EYA2: variants seen among roughly 807,000 people sequenced by gnomAD.
EYA2 encodes the protein protein phosphatase EYA2.
A neutral mutation model predicts 69.2 loss-of-function variants in EYA2; 31 were observed. The ratio of observed to expected loss-of-function variants is 0.45; its 90% CI spans 0.34 to 0.60. The LOEUF (loss-of-function observed/expected upper bound fraction) is 0.60. Among genes scored for constraint, EYA2 ranks in the 20% least tolerant of loss-of-function variants. EYA2 has a pLI of 0.02. For synonymous variants in EYA2, 257 were observed against 279.4 expected, an observed-to-expected ratio of 0.92 and a Z score of 0.80; for missense variants, 622 against 701.2, an observed-to-expected ratio of 0.89 and a Z score of 1.28.
chr20:47,029,734 T>C (rs1442291665), intron 5 of EYA2, among the ~76,000 whole-genome samples: 1 of 152,246 alleles, frequency 6.6e-6, no homozygotes, highest in Non-Finnish European at 1.5e-5. Flanking sequence ...CTTCCAAGTT[T>C]CATTCACCCC....
At chr20:46,979,293 AG>A (rs1289585632) in intron 1 of EYA2, among the ~76,000 whole-genome samples, 2 of 151,994 alleles carry the variant, frequency 1.3e-5, no homozygotes, top group African/African-American at 4.8e-5. Context: ...ACTTCTTCCC[AG>A]TCCCCAGGGA....
intron 7 of EYA2, among the ~76,000 whole-genome samples, chr20:47,085,609 G>A (rs1600698053): frequency 6.6e-6 from 1 of 151,202 alleles, no homozygotes; most frequent in Admixed American, 6.6e-5. Flanking sequence ...TCTCACCACT[G>A]CACTCCAGGC....
At chr20:47,086,455 A>C (rs1203651018) in intron 7 of EYA2, among the ~76,000 whole-genome samples, 1 of 152,206 alleles carries the variant, frequency 6.6e-6, no homozygotes, top group Non-Finnish European at 1.5e-5. Context: ...GCTTCTGGGA[A>C]GGCCTCAGGA....
At chr20:46,940,631 G>A (rs1322056375) in intron 1 of EYA2, among the ~76,000 whole-genome samples, 2 of 152,206 alleles carry the variant, frequency 1.3e-5, no homozygotes, top group African/African-American at 4.8e-5. Flanking sequence ...CCAGGTCTGT[G>A]GGCCTCTTGT....
chr20:46,943,978 G>A (rs1209493215), intron 1 of EYA2, among the ~76,000 whole-genome samples: 2 of 152,132 alleles, frequency 1.3e-5, no homozygotes, highest in Admixed American at 6.5e-5. Flanking sequence ...AGTGCAAGAA[G>A]CTGACTTGTG....
chr20:47,120,963 T>A (rs2033029434), intron 9 of EYA2, among the ~76,000 whole-genome samples: 1 of 152,346 alleles, frequency 6.6e-6, no homozygotes, highest in Non-Finnish European at 1.5e-5. Flanking sequence ...GAAGAGATTG[T>A]GGAGAATTGG....
intron 1 of EYA2, among the ~76,000 whole-genome samples, chr20:46,925,464 AAG>A (rs1362344871): frequency 2.0e-5 from 3 of 152,218 alleles, no homozygotes; most frequent in Non-Finnish European, 4.4e-5. Flanking sequence ...CGGCATAGGA[AAG>A]AGAGTTCCTA....
At chr20:46,990,332 T>TG (rs1981575114) in intron 2 of EYA2, among the ~76,000 whole-genome samples, 1 of 152,232 alleles carries the variant, frequency 6.6e-6, no homozygotes, top group Non-Finnish European at 1.5e-5. Context: ...TGCTCATTCG[T>TG]GTCTTGAACT....
At chr20:46,912,578 A>G (rs1984694435) in intron 1 of EYA2, among the ~76,000 whole-genome samples, 1 of 152,258 alleles carries the variant, frequency 6.6e-6, no homozygotes, top group Admixed American at 6.5e-5. Context: ...GATAGACAAT[A>G]AAAAAGCAAA....
rs968230071 is a variant in EYA2, at chr20:47,171,367, A to G, written c.1038-1340A>G. Among the ~76,000 whole-genome samples, 5 of 152,222 alleles carry G rather than the reference A, an allele frequency of 3.3e-5. No homozygotes were observed. The East Asian group carries it at 9.6e-4, about 29-fold the overall frequency. On this transcript the variant is annotated intron_variant, in intron 11 of 15. Coordinates refer to ENST00000327619, the MANE Select transcript of EYA2 (RefSeq NM_005244.5). The stretch of plus-strand genomic sequence containing the variant: ...ACCTACTATATGCTAGGTCCCAAAC[A>G]TGAAATGCCTCTTGTTTGTTTTTTT...
chr20:47,057,383 G>C (rs1324175901), intron 5 of EYA2, among the ~76,000 whole-genome samples: 1 of 152,142 alleles, frequency 6.6e-6, no homozygotes, highest in African/African-American at 2.4e-5. Flanking sequence ...CCTGGGATTT[G>C]TCCCTTTCTG....
At chr20:47,186,834 A>G (rs977324341) in intron 15 of EYA2, among the ~76,000 whole-genome samples, 8 of 152,162 alleles carry the variant, frequency 5.3e-5, no homozygotes, top group Admixed American at 1.3e-4. Flanking sequence ...CTTATTTATT[A>G]TCTTTTAAAC....
In EYA2 at chr20:47,043,080, TC is replaced by T. The variant is rs1156806342; in HGVS notation, c.415+26785del. On this transcript the variant is annotated intron_variant, in intron 5 of 15. Transcript: ENST00000327619. Reference sequence around the variant, plus strand: ...CGAGAGGGAGGAAGGGGAGGATTAATCCTTCAGACCCCTTCCAGCTCTATAG... The same window carrying T: ...CGAGAGGGAGGAAGGGGAGGATTAATCTTCAGACCCCTTCCAGCTCTATAG... Among the ~76,000 whole-genome samples the T allele has an allele frequency of 2.6e-5, 4 of 152,278 alleles. No individual in the cohort carries two copies. In the South Asian group the frequency reaches 8.3e-4, roughly 32 times the overall value.
intron 1 of EYA2, among the ~76,000 whole-genome samples, chr20:46,982,436 A>G (rs1980893848): frequency 1.3e-5 from 2 of 152,058 alleles, no homozygotes; most frequent in Non-Finnish European, 2.9e-5. Flanking sequence ...TTTTCTCTGT[A>G]TTTATCTTTG....
intron 9 of EYA2, among the ~76,000 whole-genome samples, chr20:47,114,614 A>AAAT (rs1416435458): frequency 4.0e-4 from 61 of 152,096 alleles, no homozygotes; most frequent in African/African-American, 1.1e-3. Flanking sequence ...AGACTCCTTC[A>AAAT]AATAATAATA....
At chr20:47,176,842 A>G (rs1179827277) in intron 12 of EYA2, among the ~76,000 whole-genome samples, 7 of 150,360 alleles carry the variant, frequency 4.7e-5, no homozygotes, top group Admixed American at 4.6e-4. Context: ...CCTAGGCTGG[A>G]GTATAGTGGC....
chr20:46,911,869 A>G lies in EYA2; in HGVS notation c.-11+16882A>G, dbSNP rs555687675. On this transcript the variant is annotated intron_variant, in intron 1 of 15. Transcript: ENST00000327619. ...ATAGAAAGAAAAGTTCTAGTGTTCA[A>G]AAGCACAGTAGGGTGACTGTAGTCA... Among the ~76,000 whole-genome samples the G allele has an allele frequency of 2.0e-5, 3 of 150,700 alleles. No individual in the cohort carries two copies. The South Asian group carries it at 6.4e-4, about 32-fold the overall frequency.
At chr20:46,942,392 A>G (rs1986193390) in intron 1 of EYA2, among the ~76,000 whole-genome samples, 1 of 151,884 alleles carries the variant, frequency 6.6e-6, no homozygotes, top group Non-Finnish European at 1.5e-5. Flanking sequence ...ATTTTTTGTA[A>G]AGACAGGGTA....
At chr20:47,006,204 C>G (rs1475179049) in intron 4 of EYA2, among the ~76,000 whole-genome samples, 1 of 152,230 alleles carries the variant, frequency 6.6e-6, no homozygotes, top group South Asian at 2.1e-4. Flanking sequence ...TACTGGACTC[C>G]CACATCCATC....
Sources: allele counts gnomAD v4.1 joint callset (sites outside exome capture counted in the v4.1 genomes callset), GRCh38; gene constraint gnomAD v4.1.1; transcripts MANE v1.5; gene names NCBI Gene and HGNC (gene_info 2026-07-23, HGNC 2026-07-21).